TKT: variants seen among roughly 807,000 people sequenced by gnomAD.
TKT encodes transketolase, also known as epididymis luminal protein 107.
Under a neutral mutation model 63.9 loss-of-function variants are expected in TKT, and 47 were observed. That is an observed-to-expected ratio of 0.74 (90% CI 0.58 to 0.94). The LOEUF (loss-of-function observed/expected upper bound fraction) is 0.94, where lower values mean the gene tolerates loss of function less well. Among genes scored for constraint, TKT ranks in the 40% least tolerant of loss-of-function variants. TKT has a pLI of 0.00. For missense variants in TKT, 721 were observed against 846.2 expected (o/e 0.85, Z 1.84); for synonymous variants, 338 against 334.1 (o/e 1.01, Z -0.13).
In TKT at chr3:53,226,740, C is replaced by T. The variant is rs1704514265; in HGVS notation, c.1696+16G>A. 1.9e-6 allele frequency: 3 copies of T among 1,613,854 alleles called. No individual in the cohort carries two copies. Among genetic ancestry groups the T allele is most frequent in the South Asian group, 2.2e-5 (2 of 91,076 alleles). ...CCCTGTCCCTTGCCCAGCCTGCCTG[C>T]CCCAGGCCTCCTTACCTTCATAATA... On this transcript the variant is annotated intron_variant, in intron 13 of 13. Coordinates refer to ENST00000462138, the MANE Select transcript of TKT (RefSeq NM_001064.4).
Position 53,240,494 on chromosome 3 carries a change from T to G in TKT, c.340-146A>C. On this transcript the variant is annotated intron_variant, in intron 3 of 13. Transcript: ENST00000462138. ...GGATGGCCTCTACCTAGCATGTGAC[T>G]TCTTCTCCTAATGAACTAATTATAA... is the stretch of plus-strand genomic sequence containing the variant. The G allele has an allele frequency of 1.3e-5, 8 of 629,782 alleles. No homozygotes were observed. In the South Asian group the frequency reaches 1.3e-4, roughly 10 times the overall value. 39.0% of individuals were successfully genotyped at this position (629,782 alleles called of 1,614,324 possible). A position where few individuals can be genotyped will look rare whatever the true frequency, so the allele number is the denominator to read the frequency against.
intron 5 of TKT, chr3:53,234,579 G>T (rs888853023): frequency 3.2e-5 from 5 of 156,624 alleles, no homozygotes; most frequent in Non-Finnish European, 5.6e-5. Context: ...TCCTCCCCAG[G>T]CTGGGCGGGG....
At chr3:53,226,019 G>A (rs1444650034) in intron 13 of TKT, 88 bp from the exon 14 acceptor site, 1 of 1,343,826 alleles carries the variant, frequency 7.4e-7, no homozygotes, top group African/African-American at 1.5e-5. Context: ...GTCAAGGATG[G>A]AGGAGGCTGC....
At chr3:53,235,311 A>G in intron 4 of TKT, 137 bp from the exon 5 acceptor site, 1 of 722,604 alleles carries the variant, frequency 1.4e-6, no homozygotes, top group East Asian at 2.9e-5. Context: ...TGGCATTTAC[A>G]CTCGAGGGGC....
At chr3:53,238,018 G>A (rs545983002) in intron 4 of TKT, 2 of 152,194 alleles carry the variant, frequency 1.3e-5, no homozygotes, top group Non-Finnish European at 2.9e-5. Flanking sequence ...ACAGTGAGTG[G>A]AGACCAGTTT....
In TKT at chr3:53,225,883, A is replaced by G. The variant is rs976488037; in HGVS notation, c.1745T>C (p.Ile582Thr). 3.1e-6 allele frequency: 5 copies of G among 1,613,898 alleles called. No individual in the cohort carries two copies. Among genetic ancestry groups the G allele is most frequent in the Middle Eastern group, 1.7e-4 (1 of 5,912 alleles). Reference sequence around the variant, plus strand: ...GTTAACTGCCAGGTGGGTGACAGTGATGCCAGGCTCGCCCACTACTGCACT... The same window carrying G: ...GTTAACTGCCAGGTGGGTGACAGTGGTGCCAGGCTCGCCCACTACTGCACT... ...VSSAVVGEPG[I>T]TVTHLAVNRV... The change falls in exon 14 of 14, where the codon ATC becomes ACC. Residue 582 changes from isoleucine (I) to threonine (T), a missense_variant. Transcript: ENST00000462138.
intron 13 of TKT, chr3:53,226,209 C>T: frequency 2.5e-6 from 1 of 394,866 alleles, no homozygotes; most frequent in Non-Finnish European, 4.6e-6. Context: ...TGTGAGCCAC[C>T]ATGCACGGCC....
rs1553676077 is a variant in TKT, at chr3:53,228,377, A to G, written c.1396-18T>C. 6.2e-7 allele frequency: 1 copy of G among 1,613,526 alleles called. No homozygotes were observed. The highest frequency in any genetic ancestry group is 8.5e-7 in the Non-Finnish European group (1 of 1,179,884). Reference sequence around the variant, plus strand: ...CAGATACCCTGAGACCGAAACAGATAAACTGAGGATACAGGATGTGGCACA... The same window carrying G: ...CAGATACCCTGAGACCGAAACAGATGAACTGAGGATACAGGATGTGGCACA... On this transcript the variant is annotated intron_variant, in intron 10 of 13. Coordinates refer to ENST00000462138, the MANE Select transcript of TKT (RefSeq NM_001064.4).
At chr3:53,246,459 T>A (rs1553680926) in intron 1 of TKT, among the ~76,000 whole-genome samples, 1 of 152,206 alleles carries the variant, frequency 6.6e-6, no homozygotes. Context: ...CCGGTATCAA[T>A]ATTCTCTCCC....
In TKT at chr3:53,242,124, C is replaced by G; in HGVS notation, c.225+1G>C. 6.2e-7 allele frequency: 1 copy of G among 1,613,872 alleles called. No individual in the cohort carries two copies. The highest frequency in any genetic ancestry group is 2.2e-5 in the East Asian group (1 of 44,874). On this transcript the variant is annotated splice_donor_variant, in intron 2 of 13. Transcript: ENST00000462138. LOFTEE classifies it high-confidence loss of function. ...CTGGCAGTGGGCAGCTGGGCTCTTA[C>G]CTTGGAGAGCACAAAGCGGTCATTG...
chr3:53,246,037 G>A (rs1421197423), intron 1 of TKT, among the ~76,000 whole-genome samples: 1 of 152,074 alleles, frequency 6.6e-6, no homozygotes, highest in East Asian at 1.9e-4. Context: ...GGAGGCTGAG[G>A]TGGGTGGATC....
At chr3:53,226,111 G>GT in intron 13 of TKT, 180 bp from the exon 14 acceptor site, 1 of 545,126 alleles carries the variant, frequency 1.8e-6, no homozygotes, top group Non-Finnish European at 3.1e-6. Flanking sequence ...AGACAGACAG[G>GT]TATCACCATG....
intron 1 of TKT, among the ~76,000 whole-genome samples, chr3:53,248,923 G>A (rs1309710299): frequency 3.9e-5 from 6 of 152,022 alleles, no homozygotes; most frequent in Admixed American, 6.6e-5. Context: ...GTTATGATAC[G>A]CCAATTATAC....
chr3:53,230,351 C>T, intron 8 of TKT, 106 bp downstream of exon 8: 8 of 1,437,186 alleles, frequency 5.6e-6, no homozygotes, highest in Non-Finnish European at 7.7e-6. Flanking sequence ...TCTCCCTGGG[C>T]TGGCCTACAG....
At chr3:53,240,223 G>C in intron 4 of TKT, 28 bp downstream of exon 4, 1 of 1,601,342 alleles carries the variant, frequency 6.2e-7, no homozygotes, top group Non-Finnish European at 8.5e-7. Flanking sequence ...AAACTACCCA[G>C]GTTGGGGGTG....
intron 1 of TKT, chr3:53,243,559 G>A (rs782481207): frequency 8.3e-5 from 38 of 456,356 alleles, no homozygotes; most frequent in Non-Finnish European, 1.5e-4. Flanking sequence ...CAACATTCTC[G>A]CACACGATCA....
intron 1 of TKT, among the ~76,000 whole-genome samples, chr3:53,252,804 A>C (rs1705814665): frequency 1.3e-5 from 2 of 149,814 alleles, no homozygotes; most frequent in Admixed American, 1.3e-4. Flanking sequence ...CTTTTTCACC[A>C]TTCTCCAGCC....
chr3:53,243,430 ACGCCG>A (rs1453429413), intron 1 of TKT, among the ~76,000 whole-genome samples: 1 of 152,096 alleles, frequency 6.6e-6, no homozygotes, highest in Non-Finnish European at 1.5e-5. Flanking sequence ...TCTGGAGCTC[ACGCCG>A]CCAGCCTCCC....
intron 1 of TKT, among the ~76,000 whole-genome samples, chr3:53,246,759 G>T (rs1401805329): frequency 6.6e-6 from 1 of 151,924 alleles, no homozygotes; most frequent in African/African-American, 2.4e-5. Flanking sequence ...GCTGAGACAG[G>T]AGAATCGTTT....
Sources: gnomAD v4.1 joint callset for allele counts (sites outside exome capture counted in the v4.1 genomes callset) on GRCh38, gnomAD v4.1.1 for gene constraint, MANE v1.5 for transcripts, NCBI Gene and HGNC (gene_info 2026-07-23, HGNC 2026-07-21) for gene names.